CAMTA1: variants seen among roughly 807,000 people sequenced by gnomAD.
The protein encoded by CAMTA1 is calmodulin-binding transcription activator 1.
Under a neutral mutation model 170.9 loss-of-function variants are expected in CAMTA1, and 27 were observed. The observed-to-expected ratio is 0.16, with a 90% confidence interval of 0.12 to 0.22. CAMTA1 has a LOEUF of 0.22. CAMTA1 is among the 10% of genes least tolerant of loss of function. The probability of loss-of-function intolerance (pLI) is 1.00; values close to 1 mark genes in which losing one functional copy is unlikely to be tolerated. For synonymous variants in CAMTA1, 833 were observed against 891.5 expected (o/e 0.93, Z 1.17); for missense variants, 1,619 against 2,217.2 (o/e 0.73, Z 5.42).
At chr1:6,972,461 T>A (rs1300180967) in intron 3 of CAMTA1, among the ~76,000 whole-genome samples, 1 of 152,248 alleles carries the variant, frequency 6.6e-6, no homozygotes, top group East Asian at 1.9e-4. Context: ...TAAGCACTTC[T>A]GTGTGCTGAT....
chr1:7,157,941 C>T (rs1253773494), intron 4 of CAMTA1, among the ~76,000 whole-genome samples: 3 of 152,262 alleles, frequency 2.0e-5, no homozygotes, highest in African/African-American at 4.8e-5. Context: ...GGGCGGATCA[C>T]GAGGTCAGGA....
At chr1:7,193,351 C>CAA (rs769225842) in intron 4 of CAMTA1, among the ~76,000 whole-genome samples, 2 of 109,238 alleles carry the variant, frequency 1.8e-5, no homozygotes, top group Non-Finnish European at 2.0e-5. Context: ...GACTCTGTCT[C>CAA]AAAAAAAAAA....
chr1:6,820,360 G>C, intron 2 of CAMTA1, 110 bp downstream of exon 2: 1 of 1,033,860 alleles, frequency 9.7e-7, no homozygotes, highest in Non-Finnish European at 1.5e-6. Context: ...AGAAGACCTG[G>C]GTTCTGCACT....
chr1:6,872,389 G>GA (rs1261378736), intron 3 of CAMTA1, among the ~76,000 whole-genome samples: 2 of 152,170 alleles, frequency 1.3e-5, no homozygotes, highest in Non-Finnish European at 2.9e-5. Flanking sequence ...ATTTTGGGGA[G>GA]AAAAAGCTTA....
In CAMTA1 at chr1:7,337,595, A is replaced by AGTGAGCCTCATCCAATCACAATGTGGGCG. The variant is rs2083476594; in HGVS notation, c.438+87972_438+87973insAGCCTCATCCAATCACAATGTGGGCGGTG. Among the ~76,000 whole-genome samples, 6 of 123,550 alleles carry AGTGAGCCTCATCCAATCACAATGTGGGCG rather than the reference A, an allele frequency of 4.9e-5. No homozygotes were observed. The South Asian group carries it at 1.3e-3, about 27-fold the overall frequency. 81.1% of individuals were successfully genotyped at this position (123,550 alleles called of 152,430 possible). Reference sequence around the variant, plus strand: ...GGCCTCATCCAATCACAGTGTGGGCAGTGGGCCTCATCCAATCACAATGTG... The same window carrying AGTGAGCCTCATCCAATCACAATGTGGGCG: ...GGCCTCATCCAATCACAGTGTGGGCAGTGAGCCTCATCCAATCACAATGTGGGCGGTGGGCCTCATCCAATCACAATGTG... On this transcript the variant is annotated intron_variant, in intron 5 of 22. Transcript: ENST00000303635.
chr1:7,453,707 G>A (rs559006501), intron 5 of CAMTA1, among the ~76,000 whole-genome samples: 16 of 152,326 alleles, frequency 1.1e-4, no homozygotes, highest in African/African-American at 3.8e-4. Context: ...GGCCTTCCCT[G>A]CTCTCTCCTC....
chr1:6,840,759 G>A (rs891724051), intron 3 of CAMTA1, among the ~76,000 whole-genome samples: 1 of 152,180 alleles, frequency 6.6e-6, no homozygotes, highest in Admixed American at 6.5e-5. Flanking sequence ...ACTAAGCCCC[G>A]AGCAGTGCAG....
intron 5 of CAMTA1, among the ~76,000 whole-genome samples, chr1:7,348,406 C>A (rs1441686640): frequency 6.6e-6 from 1 of 152,212 alleles, no homozygotes; most frequent in Non-Finnish European, 1.5e-5. Context: ...GACACCCCGC[C>A]AGGCCAACCT....
At chr1:7,712,612 T>C (rs1470165263) in intron 11 of CAMTA1, among the ~76,000 whole-genome samples, 2 of 152,146 alleles carry the variant, frequency 1.3e-5, no homozygotes, top group African/African-American at 4.8e-5. Flanking sequence ...AGCCACCACA[T>C]CCAGCTCAAT....
intron 4 of CAMTA1, among the ~76,000 whole-genome samples, chr1:7,245,855 G>C (rs2149283057): frequency 6.6e-6 from 1 of 152,290 alleles, no homozygotes; most frequent in South Asian, 2.1e-4. Context: ...GTCAGGGCAT[G>C]TGGAAGTGAA....
chr1:7,205,562 T>G (rs75269112), intron 4 of CAMTA1, among the ~76,000 whole-genome samples: 9,396 of 152,310 alleles, frequency 0.062, 920 homozygotes, highest in African/African-American at 0.21. Flanking sequence ...TTCTATCTCT[T>G]GCAACATTTT....
chr1:7,029,520 G>A (rs977448360), intron 3 of CAMTA1, among the ~76,000 whole-genome samples: 1 of 150,384 alleles, frequency 6.6e-6, no homozygotes, highest in Non-Finnish European at 1.5e-5. Context: ...AAAAATCAAG[G>A]GCTCTACTGG....
intron 5 of CAMTA1, among the ~76,000 whole-genome samples, chr1:7,437,020 T>C (rs1262789686): frequency 6.6e-6 from 1 of 152,052 alleles, no homozygotes; most frequent in Non-Finnish European, 1.5e-5. Context: ...TCAGCCCCTC[T>C]GGGGCACAGC....
At chr1:7,533,502 T>C (rs2150058672) in intron 6 of CAMTA1, among the ~76,000 whole-genome samples, 1 of 152,158 alleles carries the variant, frequency 6.6e-6, no homozygotes, top group East Asian at 1.9e-4. Flanking sequence ...AGAGGTGGGG[T>C]GTCCCTGCAG....
intron 4 of CAMTA1, among the ~76,000 whole-genome samples, chr1:7,231,350 T>TGA (rs1553280259): frequency 0.071 from 9,951 of 141,020 alleles, 844 homozygotes; most frequent in African/African-American, 0.2. Context: ...TGTGTGTGTG[T>TGA]GAGAGAGAGA....
chr1:6,979,746 G>T (rs1193113586), intron 3 of CAMTA1, among the ~76,000 whole-genome samples: 1 of 152,118 alleles, frequency 6.6e-6, no homozygotes, highest in Non-Finnish European at 1.5e-5. Context: ...TGGTGTAGCT[G>T]GGGGAGAGGA....
rs182448597 is a variant in CAMTA1, at chr1:7,709,497, A to C, written c.2915-22951A>C. Among the ~76,000 whole-genome samples the C allele has an allele frequency of 7.4e-3, 1,122 of 152,356 alleles. 17 individuals are homozygous for C. Among genetic ancestry groups the C allele is most frequent in the South Asian group, 9.5e-3 (46 of 4,834 alleles). On this transcript the variant is annotated intron_variant, in intron 11 of 22. Coordinates refer to ENST00000303635, the MANE Select transcript of CAMTA1 (RefSeq NM_015215.4). ...AGGAGGAGTGAGAGGGTCGAAAATC[A>C]ATCTATGTGGATGTGAATCTAAAGC... is the stretch of plus-strand genomic sequence containing the variant.
In CAMTA1 at chr1:7,557,063, T is replaced by C. The variant is rs561092833; in HGVS notation, c.511-83337T>C. The stretch of plus-strand genomic sequence containing the variant: ...TGGCTCACACCTGTAATCCCAGCAC[T>C]TGGGGAGACCGAGGCGGGAGGATTG... On this transcript the variant is annotated intron_variant, in intron 6 of 22. Transcript: ENST00000303635. 2.6e-5 allele frequency among the ~76,000 whole-genome samples: 4 copies of C among 152,098 alleles called. No homozygotes were observed. In the South Asian group the frequency reaches 8.3e-4, roughly 32 times the overall value.
chr1:6,834,181 A>T, intron 3 of CAMTA1, among the ~76,000 whole-genome samples: 1 of 147,050 alleles, frequency 6.8e-6, no homozygotes, highest in Admixed American at 6.8e-5. Context: ...ACTGTTAATC[A>T]TCTTTTTACT....
Sources: gnomAD v4.1 joint callset for allele counts (sites outside exome capture counted in the v4.1 genomes callset) on GRCh38, gnomAD v4.1.1 for gene constraint, MANE v1.5 for transcripts, NCBI Gene and HGNC (gene_info 2026-07-23, HGNC 2026-07-21) for gene names.